The following DPP8 variants were observed in gnomAD, a reference collection of about 807,000 sequenced individuals.
DPP8 encodes DPP VIII.
DPP8 carries 31 observed loss-of-function variants against 107.5 expected under a neutral mutation model. The ratio of observed to expected loss-of-function variants is 0.29; its 90% CI spans 0.22 to 0.39. The LOEUF is 0.39. Ranked by LOEUF, DPP8 falls within the 10% of genes least tolerant of loss-of-function variation. The pLI, the probability that DPP8 is intolerant of heterozygous loss-of-function variation, is 1.00. For synonymous variants in DPP8, 381 were observed against 356.6 expected (o/e 1.07, Z -0.77); for missense variants, 842 against 1,076.1 (o/e 0.78, Z 3.04).
chr15:65,450,852 G>C, intron 19 of DPP8, 147 bp downstream of exon 19: 1 of 559,294 alleles, frequency 1.8e-6, no homozygotes, highest in Non-Finnish European at 3.1e-6. Context: ...CCAACTACAG[G>C]CACTACTAAA....
At chr15:65,475,218 C>T (rs908374874) in intron 11 of DPP8, 3 of 492,416 alleles carry the variant, frequency 6.1e-6, no homozygotes, top group Middle Eastern at 4.3e-4. Flanking sequence ...TACTCCCCCT[C>T]CCCTAAACTC....
At chr15:65,456,085 C>A in intron 16 of DPP8, 140 bp downstream of exon 16, 1 of 1,077,656 alleles carries the variant, frequency 9.3e-7, no homozygotes, top group East Asian at 2.5e-5. Flanking sequence ...TCTTCTCTCC[C>A]ACCCCCAAAC....
intron 8 of DPP8, among the ~76,000 whole-genome samples, chr15:65,483,416 G>T (rs1234175919): frequency 6.6e-6 from 1 of 151,920 alleles, no homozygotes; most frequent in Non-Finnish European, 1.5e-5. Context: ...CAGCTACTTA[G>T]AAGGCGGAGG....
chr15:65,454,110 C>G (rs1248510086), intron 17 of DPP8, among the ~76,000 whole-genome samples, 153 bp downstream of exon 17: 1 of 149,264 alleles, frequency 6.7e-6, no homozygotes, highest in Non-Finnish European at 1.5e-5. Flanking sequence ...GCACTCCAGC[C>G]CGGGTTACAG....
chr15:65,472,856 A>G (rs1445473667), intron 12 of DPP8, among the ~76,000 whole-genome samples: 3 of 152,130 alleles, frequency 2.0e-5, no homozygotes, highest in Non-Finnish European at 2.9e-5. Flanking sequence ...CCTGGGCAAC[A>G]TGGCGGAATC....
At position 65,446,691 on chromosome 15, in the gene DPP8, A is replaced by T; in HGVS notation, c.*193T>A. On this transcript the variant is annotated 3_prime_UTR_variant, in exon 20 of 20. Transcript: ENST00000300141. ...CAGGAATATGTATCATTTGATTTTG[A>T]GCATGTGGGGTTAAGGTATTAGATT... is the stretch of plus-strand genomic sequence containing the variant. The T allele has an allele frequency of 8.7e-6, 2 of 231,192 alleles. No homozygotes were observed. Among genetic ancestry groups the T allele is most frequent in the Non-Finnish European group, 1.6e-5 (2 of 124,598 alleles). The allele number at this position is 231,192 out of a possible 1,614,324, so 14.3% of individuals were successfully genotyped here. A position where few individuals can be genotyped will look rare whatever the true frequency, so the allele number is the denominator to read the frequency against.
chr15:65,451,196 T>C (rs1379024672), intron 18 of DPP8, 86 bp from the exon 19 acceptor site: 1 of 786,052 alleles, frequency 1.3e-6, no homozygotes, highest in South Asian at 1.5e-5. Flanking sequence ...TACTTAACCA[T>C]ATTAACTTCC....
chr15:65,454,131 C>T (rs933528077), intron 17 of DPP8, 132 bp downstream of exon 17: 17 of 587,042 alleles, frequency 2.9e-5, no homozygotes, highest in African/African-American at 1.8e-4. Flanking sequence ...AGCAAGACTT[C>T]GTCTCAAAAA....
intron 3 of DPP8, among the ~76,000 whole-genome samples, chr15:65,506,488 C>T (rs1193067033): frequency 1.3e-5 from 2 of 151,832 alleles, no homozygotes; most frequent in Non-Finnish European, 2.9e-5. Context: ...GTGGCTCACG[C>T]CTGTAATCTC....
intron 12 of DPP8, among the ~76,000 whole-genome samples, chr15:65,469,807 G>A (rs1335041219): frequency 6.6e-6 from 1 of 151,990 alleles, no homozygotes; most frequent in Non-Finnish European, 1.5e-5. Context: ...CTGCACTCCA[G>A]CCTGGGTGAC....
intron 4 of DPP8, among the ~76,000 whole-genome samples, chr15:65,498,282 C>T (rs1289212273): frequency 2.0e-5 from 3 of 151,972 alleles, no homozygotes; most frequent in Non-Finnish European, 4.4e-5. Flanking sequence ...ATTAGCTGGG[C>T]ATAGTGGTGG....
intron 16 of DPP8, 48 bp from the exon 17 acceptor site, chr15:65,454,463 T>C: frequency 6.7e-7 from 1 of 1,490,380 alleles, no homozygotes; most frequent in Non-Finnish European, 9.0e-7. Flanking sequence ...AATAAAAGTC[T>C]CGTAAGAGTG....
intron 12 of DPP8, among the ~76,000 whole-genome samples, chr15:65,471,027 A>G (rs555735445): frequency 6.6e-6 from 1 of 152,308 alleles, no homozygotes; most frequent in Middle Eastern, 3.4e-3. Context: ...CAAGTAGTAG[A>G]TGTTTAGGTG....
rs75431741 is a variant in DPP8, at chr15:65,494,729, C to T, written c.715+3135G>A. On this transcript the variant is annotated intron_variant, in intron 5 of 19. Coordinates refer to ENST00000300141, the MANE Select transcript of DPP8 (RefSeq NM_130434.5). ...AACTACCAACCTAATCTTTCTACTGCCATTGGTAGTAGAACAGCTGTTCTG... is the reference window on the plus strand; with the variant it reads ...AACTACCAACCTAATCTTTCTACTGTCATTGGTAGTAGAACAGCTGTTCTG... Among the ~76,000 whole-genome samples, 635 of 151,552 alleles carry T rather than the reference C, an allele frequency of 4.2e-3. 5 individuals carry two copies. Among genetic ancestry groups the T allele is most frequent in the African/African-American group, 0.015 (601 of 41,282 alleles).
intron 18 of DPP8, 60 bp downstream of exon 18, chr15:65,451,900 A>AAGT (rs149618856): frequency 0.057 from 83,658 of 1,471,128 alleles, 2,716 homozygotes; most frequent in African/African-American, 0.081. Flanking sequence ...ACTCCAGCCT[A>AAGT]AGTGACAGAG....
intron 16 of DPP8, 41 bp downstream of exon 16, chr15:65,456,184 T>C (rs749869073): frequency 1.3e-6 from 2 of 1,591,804 alleles, no homozygotes; most frequent in Non-Finnish European, 1.7e-6. Flanking sequence ...GACCAGAAAA[T>C]GTAAATGTCT....
chr15:65,486,274 C>T (rs866632432), intron 7 of DPP8, among the ~76,000 whole-genome samples: 3 of 151,054 alleles, frequency 2.0e-5, no homozygotes, highest in East Asian at 3.9e-4. Flanking sequence ...TGGCGGCGGG[C>T]GCCTGTAATC....
Position 65,487,207 on chromosome 15 carries a change from T to C in DPP8, c.955+483A>G, listed in dbSNP as rs187257340. 2.6e-3 allele frequency among the ~76,000 whole-genome samples: 393 copies of C among 152,166 alleles called. 1 individual carries two copies. The highest frequency in any genetic ancestry group is 9.2e-3 in the African/African-American group (380 of 41,500). On this transcript the variant is annotated intron_variant, in intron 7 of 19. Transcript: ENST00000300141. Reference sequence around the variant, plus strand: ...TCTTGTTGCCTAGGCTGGAGTGCAATGGCATGATCTCAACTCACTACAACC... The same window carrying C: ...TCTTGTTGCCTAGGCTGGAGTGCAACGGCATGATCTCAACTCACTACAACC...
chr15:65,510,790 T>G (rs112464287), intron 2 of DPP8, among the ~76,000 whole-genome samples: 1,803 of 152,272 alleles, frequency 0.012, 39 homozygotes, highest in African/African-American at 0.042. Context: ...CCGCCAGCCA[T>G]AGCCTCCCAA....
Sources: allele counts gnomAD v4.1 joint callset (sites outside exome capture counted in the v4.1 genomes callset), GRCh38; gene constraint gnomAD v4.1.1; transcripts MANE v1.5; gene names NCBI Gene and HGNC (gene_info 2026-07-23, HGNC 2026-07-21).